Variants in FBN2 observed in about 807,000 individuals in gnomAD.
FBN2 encodes fibrillin 2, also known as fibrillin-2.
In FBN2, 105 loss-of-function variants were observed where a neutral mutation model predicts 355.6. The ratio of observed to expected loss-of-function variants is 0.30; its 90% CI spans 0.25 to 0.35. FBN2 has a LOEUF of 0.35. FBN2 is among the 10% of genes least tolerant of loss of function. FBN2 has a pLI of 1.00. For synonymous variants in FBN2, 1,350 were observed against 1,301.2 expected (o/e 1.04, Z -0.81); for missense variants, 3,280 against 3,758.7 (o/e 0.87, Z 3.33).
Position 128,278,786 on chromosome 5 carries a change from T to C in FBN2, c.7194A>G (p.Ala2398=). 1 of 1,614,140 alleles carries C rather than the reference T, an allele frequency of 6.2e-7. No individual in the cohort carries two copies. The highest frequency in any genetic ancestry group is 8.5e-7 in the Non-Finnish European group (1 of 1,180,012). The stretch of plus-strand genomic sequence containing the variant: ...TAGTGACGAGATTGCGACTACTGGA[T>C]GCCATTTGACATATTGTCTGCAGTA... ...AEVLQTICQM[A]SSSRNLVTKS... is the part of the protein sequence containing the mutation. The change falls in exon 57 of 65, where the codon GCA becomes GCG. Residue 2398 remains alanine, a synonymous_variant. Coordinates refer to ENST00000262464, the MANE Select transcript of FBN2 (RefSeq NM_001999.4).
rs2126911962 is a variant in FBN2 at position 128,344,373 on chromosome 5, G to A, written c.3343+12C>T. ...CCAGAGTTTATCAAATAAAACAGCA[G>A]AACCATCTTACCCGTGCAGTTTCTT... On this transcript the variant is annotated intron_variant, in intron 25 of 64. Transcript: ENST00000262464. 6.2e-7 allele frequency: 1 copy of A among 1,613,918 alleles called. No homozygotes were observed. The highest frequency in any genetic ancestry group is 8.5e-7 in the Non-Finnish European group (1 of 1,179,792).
In FBN2 at chr5:128,259,020, CAT is replaced by C. The variant is rs1764889028; in HGVS notation, c.*433_*434del. On this transcript the variant is annotated 3_prime_UTR_variant, in exon 65 of 65. Transcript: ENST00000262464. ...ACAAGTGAGTTTCCCTTTTTGTTTA[CAT>C]AGTTTGTTCATTTCTCCATATATTA... 1 of 156,050 alleles carries C rather than the reference CAT, an allele frequency of 6.4e-6. No homozygotes were observed. Among genetic ancestry groups the C allele is most frequent in the African/African-American group, 2.4e-5 (1 of 41,146 alleles). 9.7% of individuals were successfully genotyped at this position (156,050 alleles called of 1,614,324 possible).
intron 1 of FBN2, 21 bp downstream of exon 1, chr5:128,537,329 C>T: frequency 6.2e-7 from 1 of 1,608,614 alleles, no homozygotes; most frequent in Non-Finnish European, 8.5e-7. Context: ...GCCCTAGGTG[C>T]GGAGCCGCTT....
chr5:128,483,546 G>A (rs1755254020), intron 5 of FBN2, among the ~76,000 whole-genome samples: 1 of 151,878 alleles, frequency 6.6e-6, no homozygotes, highest in African/African-American at 2.4e-5. Context: ...CAGTCCCAAA[G>A]CAAACTGTTA....
Position 128,259,524 on chromosome 5 carries a change from A to C in FBN2, c.8670T>G (p.Asn2890Lys). The change falls in exon 65 of 65, where the codon AAT (asparagine) becomes AAG (lysine). Residue 2890 changes from asparagine to lysine, a missense_variant. Physicochemically the swap from Asn to Lys is moderately conservative, Grantham distance 94. Transcript: ENST00000262464. ...GCTCCCCTAGGAGGTAGTCATCCTC[A>C]TTGCTCTCTTCCAGTTTCTTAAGCT... Reference protein sequence around the residue: ...KKELKKLEESNEDDYLLGELG... With the variant: ...KKELKKLEESKEDDYLLGELG... 6.2e-7 allele frequency: 1 copy of C among 1,613,984 alleles called. No individual in the cohort carries two copies. Among genetic ancestry groups the C allele is most frequent in the Non-Finnish European group, 8.5e-7 (1 of 1,179,982 alleles).
chr5:128,362,432 T>G (rs1751661649), intron 18 of FBN2, among the ~76,000 whole-genome samples: 3 of 152,198 alleles, frequency 2.0e-5, no homozygotes, highest in African/African-American at 7.2e-5. Flanking sequence ...GAATATCATC[T>G]AAAACTCCAG....
chr5:128,450,288 T>C (rs897498123), intron 6 of FBN2, among the ~76,000 whole-genome samples: 5 of 152,082 alleles, frequency 3.3e-5, no homozygotes, highest in African/African-American at 7.2e-5. Context: ...TCTGAGGCCA[T>C]GTAAAAGGTT....
At chr5:128,480,039 C>CAT in intron 5 of FBN2, among the ~76,000 whole-genome samples, 1 of 132,534 alleles carries the variant, frequency 7.5e-6, no homozygotes, top group Non-Finnish European at 1.6e-5. Context: ...TACACACACA[C>CAT]ACACACATAT....
rs752530323 is a variant in FBN2 at position 128,335,998 on chromosome 5, C to T, written c.3714G>A (p.Gln1238=). The T allele has an allele frequency of 9.3e-6, 15 of 1,614,094 alleles. No individual in the cohort carries two copies. Among genetic ancestry groups the T allele is most frequent in the Non-Finnish European group, 1.0e-5 (12 of 1,179,994 alleles). Residue 1238 remains glutamine (Q), a synonymous_variant, in exon 28 of 65, where the codon CAG becomes CAA. Transcript: ENST00000262464. ...TTGGTCTCCCCTTACCTGTACAGCC[C>T]TGGCGGTCTGGCGTAGCCTGATATC... is the stretch of plus-strand genomic sequence containing the variant. ...NPGYQATPDR[Q]GCTDIDECMI... is the part of the protein sequence containing the mutation.
intron 7 of FBN2, among the ~76,000 whole-genome samples, chr5:128,418,613 C>T (rs1048423959): frequency 6.6e-6 from 1 of 152,064 alleles, no homozygotes; most frequent in African/African-American, 2.4e-5. Context: ...CCATTGATTT[C>T]ATTCTTCAAT....
chr5:128,415,058 T>A (rs567374506), intron 7 of FBN2, among the ~76,000 whole-genome samples: 1 of 152,284 alleles, frequency 6.6e-6, no homozygotes, highest in African/African-American at 2.4e-5. Context: ...CCATGTAAAC[T>A]TTTTAAAAAA....
intron 5 of FBN2, among the ~76,000 whole-genome samples, chr5:128,515,007 T>C (rs145631795): frequency 1.0e-3 from 153 of 152,324 alleles, no homozygotes; most frequent in African/African-American, 3.6e-3. Flanking sequence ...GCTATGTTAC[T>C]TGAATGTTCA....
chr5:128,395,740 G>A, intron 8 of FBN2, among the ~76,000 whole-genome samples: 1 of 152,240 alleles, frequency 6.6e-6, no homozygotes, highest in African/African-American at 2.4e-5. Flanking sequence ...TGAGGAAGAA[G>A]AGAATGTGCT....
intron 18 of FBN2, among the ~76,000 whole-genome samples, chr5:128,364,127 C>T (rs982333305): frequency 1.3e-5 from 2 of 152,136 alleles, no homozygotes; most frequent in Non-Finnish European, 2.9e-5. Context: ...TTACATACTT[C>T]AGTTTTTTCA....
intron 4 of FBN2, among the ~76,000 whole-genome samples, chr5:128,525,494 A>T (rs1756537959): frequency 6.6e-6 from 1 of 152,196 alleles, no homozygotes; most frequent in Non-Finnish European, 1.5e-5. Context: ...CCATGGAATG[A>T]GAAACTCTGC....
intron 7 of FBN2, among the ~76,000 whole-genome samples, chr5:128,434,867 C>T (rs1753734715): frequency 6.6e-6 from 1 of 152,060 alleles, no homozygotes; most frequent in Non-Finnish European, 1.5e-5. Context: ...CTGATCCTTT[C>T]ATTCAGGGTA....
intron 3 of FBN2, among the ~76,000 whole-genome samples, chr5:128,530,229 T>C (rs1204134130): frequency 6.6e-6 from 1 of 152,190 alleles, no homozygotes; most frequent in Non-Finnish European, 1.5e-5. Flanking sequence ...CCATTATGTG[T>C]AAAGTATGTG....
chr5:128,310,386 ATATATATATATATATATTTTTTTT>A (rs1267456153), intron 39 of FBN2, among the ~76,000 whole-genome samples: 69 of 31,452 alleles, frequency 2.2e-3, no homozygotes, highest in Non-Finnish European at 3.4e-3. Flanking sequence ...ATATATATAT[ATATATATATATATATATTTTTTTT>A]TTTTTTTTTT....
intron 23 of FBN2, 125 bp downstream of exon 23, chr5:128,349,222 T>C (rs2126919509): frequency 1.8e-6 from 2 of 1,105,082 alleles, no homozygotes; most frequent in Non-Finnish European, 2.7e-6. Context: ...GATTTCCCCC[T>C]AAATATCTCA....
Sources: gnomAD v4.1 joint callset for allele counts (sites outside exome capture counted in the v4.1 genomes callset) on GRCh38, gnomAD v4.1.1 for gene constraint, MANE v1.5 for transcripts, NCBI Gene and HGNC (gene_info 2026-07-23, HGNC 2026-07-21) for gene names.